DLGAP1: variants seen among roughly 807,000 people sequenced by gnomAD.
DLGAP1 encodes the protein DLG associated protein 1, also known as disks large-associated protein 1.
A neutral mutation model predicts 90.8 loss-of-function variants in DLGAP1; 11 were observed. The ratio of observed to expected loss-of-function variants is 0.12; its 90% confidence interval spans 0.08 to 0.20. DLGAP1 has a LOEUF of 0.20. DLGAP1 is among the 10% of genes least tolerant of loss of function. The pLI is 1.00. For missense variants in DLGAP1, 1,050 were observed against 1,333.8 expected (o/e 0.79, Z 3.31); for synonymous variants, 558 against 540.7 (o/e 1.03, Z -0.44).
At chr18:4,337,136 A>C (rs2081086847) in intron 1 of DLGAP1, among the ~76,000 whole-genome samples, 1 of 151,258 alleles carries the variant, frequency 6.6e-6, no homozygotes, top group African/African-American at 2.4e-5. Context: ...AAAGAAAAAA[A>C]AAAAAAGAGC....
At chr18:4,111,808 G>T (rs1010622812) in intron 2 of DLGAP1, among the ~76,000 whole-genome samples, 1 of 151,728 alleles carries the variant, frequency 6.6e-6, no homozygotes, top group Non-Finnish European at 1.5e-5. Flanking sequence ...CCTGATTTTG[G>T]TAATGTGAAT....
At chr18:4,092,436 G>C (rs549926113) in intron 2 of DLGAP1, among the ~76,000 whole-genome samples, 2 of 152,264 alleles carry the variant, frequency 1.3e-5, no homozygotes, top group Admixed American at 1.3e-4. Context: ...ACCAAATTCT[G>C]CCTTGCATCT....
chr18:3,874,115 A>G (rs2070915150), intron 4 of DLGAP1: 2 of 1,549,138 alleles, frequency 1.3e-6, no homozygotes, highest in East Asian at 2.4e-5. Flanking sequence ...ACACCACACT[A>G]TTACCAAATA....
intron 1 of DLGAP1, chr18:4,248,744 T>G (rs563511712): frequency 6.6e-6 from 1 of 152,454 alleles, no homozygotes; most frequent in East Asian, 1.9e-4. Context: ...GCAATCCTGT[T>G]AAAAAGTCAG....
intron 3 of DLGAP1, among the ~76,000 whole-genome samples, chr18:3,987,988 C>T (rs530488914): frequency 6.6e-6 from 1 of 152,232 alleles, no homozygotes; most frequent in South Asian, 2.1e-4. Flanking sequence ...AAGCCCATTA[C>T]ATTTATTGTG....
chr18:4,321,927 G>C (rs2080695939), intron 1 of DLGAP1, among the ~76,000 whole-genome samples: 1 of 150,998 alleles, frequency 6.6e-6, no homozygotes, highest in African/African-American at 2.5e-5. Context: ...CTGGGTGAGG[G>C]TGGTTCACGC....
intron 3 of DLGAP1, among the ~76,000 whole-genome samples, chr18:3,900,725 G>A (rs1267403221): frequency 6.6e-6 from 1 of 152,124 alleles, no homozygotes; most frequent in Non-Finnish European, 1.5e-5. Flanking sequence ...GGGTTGGTTA[G>A]AGGAAAAAAA....
intron 1 of DLGAP1, among the ~76,000 whole-genome samples, chr18:4,410,811 G>C (rs1567900462): frequency 6.6e-6 from 1 of 152,124 alleles, no homozygotes; most frequent in South Asian, 2.1e-4. Context: ...AACATCGATG[G>C]ATCTCACAAT....
intron 3 of DLGAP1, among the ~76,000 whole-genome samples, chr18:3,954,121 T>G (rs1462508768): frequency 6.6e-6 from 1 of 152,242 alleles, no homozygotes; most frequent in African/African-American, 2.4e-5. Flanking sequence ...TTGTTTATCA[T>G]TCAAAGTAAG....
At chr18:3,557,776 AATC>A (rs1410554762) in intron 9 of DLGAP1, among the ~76,000 whole-genome samples, 6 of 152,058 alleles carry the variant, frequency 3.9e-5, no homozygotes, top group Admixed American at 1.3e-4. Context: ...AAAATACAAA[AATC>A]AGCCTGGCGT....
chr18:3,520,558 G>T (rs749097795), intron 10 of DLGAP1, among the ~76,000 whole-genome samples: 2 of 152,106 alleles, frequency 1.3e-5, no homozygotes, highest in African/African-American at 2.4e-5. Context: ...TACGACTGAT[G>T]TCCTTATAAG....
intron 3 of DLGAP1, among the ~76,000 whole-genome samples, chr18:3,968,574 A>G (rs2073377614): frequency 6.6e-6 from 1 of 152,218 alleles, no homozygotes; most frequent in Non-Finnish European, 1.5e-5. Flanking sequence ...TAACATCTTT[A>G]TATTTGTATT....
chr18:4,375,987 T>C (rs965906332), intron 1 of DLGAP1, among the ~76,000 whole-genome samples: 1 of 152,160 alleles, frequency 6.6e-6, no homozygotes, highest in African/African-American at 2.4e-5. Context: ...ATGATTTTAA[T>C]TTATAATGCA....
intron 2 of DLGAP1, among the ~76,000 whole-genome samples, chr18:4,060,119 C>T (rs1029092198): frequency 1.3e-5 from 2 of 152,228 alleles, no homozygotes; most frequent in Admixed American, 1.3e-4. Context: ...GAATCCCAAT[C>T]CTTGATGTCC....
intron 5 of DLGAP1, among the ~76,000 whole-genome samples, chr18:3,802,866 C>A (rs951402974): frequency 2.6e-5 from 4 of 152,092 alleles, no homozygotes; most frequent in African/African-American, 9.7e-5. Context: ...AGAGCTTAAG[C>A]GAGGCACCTC....
At chr18:3,716,803 C>T (rs1291288620) in intron 7 of DLGAP1, among the ~76,000 whole-genome samples, 4 of 151,864 alleles carry the variant, frequency 2.6e-5, no homozygotes, top group Non-Finnish European at 5.9e-5. Flanking sequence ...ATACCAAAGT[C>T]CTCTCCTTTC....
Position 3,530,177 on chromosome 18 carries a change from G to T in DLGAP1, c.2479+4017C>A, listed in dbSNP as rs796960035. On this transcript the variant is annotated intron_variant, in intron 10 of 12. Coordinates refer to ENST00000315677, the MANE Select transcript of DLGAP1 (RefSeq NM_004746.4). The stretch of plus-strand genomic sequence containing the variant: ...TTCTGGCATTTTGGGAGGCAGAAGT[G>T]GGGGGATTGCTTGAGGCCAGGAGTT... Among the ~76,000 whole-genome samples, 11 of 152,280 alleles carry T rather than the reference G, an allele frequency of 7.2e-5. No homozygotes were observed. The East Asian group carries it at 1.4e-3, about 19-fold the overall frequency.
chr18:3,571,510 G>A (rs552212883), intron 8 of DLGAP1: 32 of 151,978 alleles, frequency 2.1e-4, no homozygotes, highest in Non-Finnish European at 7.3e-5. Context: ...ACCATGCATG[G>A]AGGTTATTTA....
chr18:3,603,497 G>T (rs1568286222), intron 7 of DLGAP1: 1 of 152,152 alleles, frequency 6.6e-6, no homozygotes, highest in African/African-American at 2.4e-5. Flanking sequence ...ATTGCCGACA[G>T]ATCAGGCCCA....
Sources: gnomAD v4.1 joint callset for allele counts (sites outside exome capture counted in the v4.1 genomes callset) on GRCh38, gnomAD v4.1.1 for gene constraint, MANE v1.5 for transcripts, NCBI Gene and HGNC (gene_info 2026-07-23, HGNC 2026-07-21) for gene names.